Variants in STXBP3 observed in about 807,000 individuals in gnomAD.
The protein encoded by STXBP3 is syntaxin-binding protein 3.
A neutral mutation model predicts 85.7 loss-of-function variants in STXBP3; 41 were observed. That is an observed-to-expected ratio of 0.48 (90% CI 0.37 to 0.62). The LOEUF is 0.62. Ranked by LOEUF, STXBP3 falls within the 20% of genes least tolerant of loss-of-function variation. The pLI, the probability that STXBP3 is intolerant of heterozygous loss-of-function variation, is 0.00. For synonymous variants in STXBP3, 229 were observed against 231.7 expected (o/e 0.99, Z 0.10); for missense variants, 563 against 703.1 (o/e 0.80, Z 2.25).
chr1:108,774,675 CTA>C lies in STXBP3; in HGVS notation c.594-1656_594-1655del, dbSNP rs535317386. ...TTTTTTTTTTTTGAGATGGGGGTCT[CTA>C]TGTGTTGCCCAGGCTGGTCTCAAAC... On this transcript the variant is annotated intron_variant, in intron 7 of 18. Coordinates refer to ENST00000370008, the MANE Select transcript of STXBP3 (RefSeq NM_007269.4). Among the ~76,000 whole-genome samples the C allele has an allele frequency of 2.1e-3, 232 of 110,672 alleles. 2 individuals carry two copies. The highest frequency in any genetic ancestry group is 7.8e-3 in the African/African-American group (223 of 28,546). The allele number at this position is 110,672 out of a possible 152,430, so 72.6% of individuals were successfully genotyped here. A position where few individuals can be genotyped will look rare whatever the true frequency, so the allele number is the denominator to read the frequency against.
chr1:108,788,007 G>A (rs970294129), intron 11 of STXBP3, among the ~76,000 whole-genome samples: 1 of 152,008 alleles, frequency 6.6e-6, no homozygotes, highest in African/African-American at 2.4e-5. Context: ...GCTCAGGCTG[G>A]TCTCGAACTC....
intron 6 of STXBP3, chr1:108,767,113 C>A: frequency 6.1e-6 from 2 of 325,912 alleles, no homozygotes; most frequent in South Asian, 5.4e-5. Flanking sequence ...CTCTGCTGTT[C>A]ACCTACAACA....
chr1:108,782,636 C>A lies in STXBP3; in HGVS notation c.906-13C>A. The A allele has an allele frequency of 6.2e-7, 1 of 1,602,612 alleles. No individual in the cohort carries two copies. Among genetic ancestry groups the A allele is most frequent in the African/African-American group, 1.3e-5 (1 of 74,178 alleles). ...ATCTTAGAAATTTAAAGAATTCTCT[C>A]ACAATTTGACAGGGAAATTCCCAAG... On this transcript the variant is annotated splice_polypyrimidine_tract_variant and intron_variant, in intron 10 of 18. Coordinates refer to ENST00000370008, the MANE Select transcript of STXBP3 (RefSeq NM_007269.4).
intron 16 of STXBP3, among the ~76,000 whole-genome samples, chr1:108,798,709 C>T (rs747676108): frequency 3.2e-4 from 49 of 152,050 alleles, no homozygotes; most frequent in East Asian, 3.9e-4. Context: ...CCACTGCGCC[C>T]GGCTGAAGAT....
At chr1:108,797,580 G>C (rs1663134327) in intron 15 of STXBP3, among the ~76,000 whole-genome samples, 2 of 151,092 alleles carry the variant, frequency 1.3e-5, no homozygotes, top group Non-Finnish European at 2.9e-5. Context: ...GCTAATTTTT[G>C]TATTTTTAGT....
At chr1:108,749,903 ATATAT>A (rs1176504313) in intron 1 of STXBP3, among the ~76,000 whole-genome samples, 1 of 152,172 alleles carries the variant, frequency 6.6e-6, no homozygotes, top group Non-Finnish European at 1.5e-5. Flanking sequence ...GGTAAAATTA[ATATAT>A]TATATTTGAC....
At chr1:108,779,172 G>A in intron 8 of STXBP3, 114 bp from the exon 9 acceptor site, 2 of 1,102,686 alleles carry the variant, frequency 1.8e-6, no homozygotes, top group Non-Finnish European at 2.5e-6. Flanking sequence ...TATGTTTTTG[G>A]TGGGGAAAAG....
At chr1:108,755,505 A>G (rs1182109215) in intron 3 of STXBP3, among the ~76,000 whole-genome samples, 2 of 152,134 alleles carry the variant, frequency 1.3e-5, no homozygotes, top group Non-Finnish European at 2.9e-5. Context: ...TTTCACTATT[A>G]AAGACCTTTC....
rs186115774 is a variant in STXBP3, at chr1:108,748,687, C to T, written c.49+1901C>T. The stretch of plus-strand genomic sequence containing the variant: ...TCTCTATCAAAAATACAAAAATTAG[C>T]CAGGTGTGGTAACGCACACCTGTGG... On this transcript the variant is annotated intron_variant, in intron 1 of 18. Transcript: ENST00000370008. 9.2e-5 allele frequency among the ~76,000 whole-genome samples: 14 copies of T among 152,118 alleles called. No homozygotes were observed. The East Asian group carries it at 2.7e-3, about 29-fold the overall frequency.
intron 6 of STXBP3, among the ~76,000 whole-genome samples, chr1:108,765,802 C>T (rs1328089524): frequency 6.6e-6 from 1 of 151,142 alleles, no homozygotes; most frequent in African/African-American, 2.4e-5. Context: ...AACTCCTGAC[C>T]TCCCAAAGTG....
intron 6 of STXBP3, chr1:108,767,725 A>G (rs897398545): frequency 3.9e-5 from 6 of 152,732 alleles, no homozygotes; most frequent in African/African-American, 1.4e-4. Flanking sequence ...CTGGGACCAC[A>G]GATGCATGCC....
chr1:108,754,289 G>A (rs539804191), intron 3 of STXBP3, among the ~76,000 whole-genome samples: 6 of 152,074 alleles, frequency 3.9e-5, no homozygotes, highest in Non-Finnish European at 8.8e-5. Context: ...ACTTGCCTTG[G>A]CCTCCCAAAG....
At chr1:108,748,584 C>G (rs1366423942) in intron 1 of STXBP3, among the ~76,000 whole-genome samples, 1 of 152,024 alleles carries the variant, frequency 6.6e-6, no homozygotes, top group African/African-American at 2.4e-5. Flanking sequence ...GTAATTACAG[C>G]ACTTTGGGAG....
intron 17 of STXBP3, among the ~76,000 whole-genome samples, chr1:108,802,662 C>A (rs1291332820): frequency 6.6e-6 from 1 of 152,210 alleles, no homozygotes; most frequent in East Asian, 1.9e-4. Context: ...AGATTAAATG[C>A]TTCTCAATTT....
At chr1:108,802,168 G>A (rs1484717887) in intron 17 of STXBP3, among the ~76,000 whole-genome samples, 3 of 151,954 alleles carry the variant, frequency 2.0e-5, no homozygotes, top group African/African-American at 4.8e-5. Context: ...AGGCCGAGGC[G>A]GGCAGATCAC....
At chr1:108,750,730 C>T (rs1355874147) in intron 1 of STXBP3, among the ~76,000 whole-genome samples, 1 of 152,186 alleles carries the variant, frequency 6.6e-6, no homozygotes, top group Non-Finnish European at 1.5e-5. Flanking sequence ...ATACTGCCTT[C>T]ACTTCAAATG....
At chr1:108,808,753 C>T in intron 18 of STXBP3, 30 bp from the exon 19 acceptor site, 1 of 1,526,790 alleles carries the variant, frequency 6.5e-7, no homozygotes, top group Non-Finnish European at 9.1e-7. Context: ...TAACTGCTGG[C>T]CTCTGAAAAA....
chr1:108,755,986 A>G (rs1038261326), intron 3 of STXBP3, among the ~76,000 whole-genome samples: 4 of 152,210 alleles, frequency 2.6e-5, no homozygotes, highest in African/African-American at 7.2e-5. Context: ...CCCTTTGTCA[A>G]CATGAATCTT....
intron 1 of STXBP3, among the ~76,000 whole-genome samples, chr1:108,748,065 C>G (rs571348152): frequency 6.6e-6 from 1 of 152,124 alleles, no homozygotes; most frequent in Non-Finnish European, 1.5e-5. Context: ...TCCTTCTGAT[C>G]CTCATACAGA....
Sources: gnomAD v4.1 joint callset for allele counts (sites outside exome capture counted in the v4.1 genomes callset) on GRCh38, gnomAD v4.1.1 for gene constraint, MANE v1.5 for transcripts, NCBI Gene and HGNC (gene_info 2026-07-23, HGNC 2026-07-21) for gene names.